Variants in PHKB observed in about 807,000 individuals in gnomAD.
PHKB encodes the protein phosphorylase kinase regulatory subunit beta.
PHKB carries 122 observed loss-of-function variants against 152.1 expected under a neutral mutation model. The ratio of observed to expected loss-of-function variants is 0.80; its 90% CI spans 0.69 to 0.93. The LOEUF is 0.93. Ranked by LOEUF, PHKB falls within the 40% of genes least tolerant of loss-of-function variation. The pLI, the probability that PHKB is intolerant of heterozygous loss-of-function variation, is 0.00. For synonymous variants in PHKB, 436 were observed against 464.9 expected (o/e 0.94, Z 0.80); for missense variants, 1,304 against 1,328.4 (o/e 0.98, Z 0.29).
chr16:47,674,438 G>A (rs1172976424), intron 26 of PHKB, among the ~76,000 whole-genome samples: 1 of 152,052 alleles, frequency 6.6e-6, no homozygotes, highest in Admixed American at 6.6e-5. Flanking sequence ...ATATTAAGAC[G>A]CTATGAAAAG....
At chr16:47,537,445 G>A (rs1032860663) in intron 6 of PHKB, among the ~76,000 whole-genome samples, 1 of 152,134 alleles carries the variant, frequency 6.6e-6, no homozygotes, top group African/African-American at 2.4e-5. Context: ...AGGGAAACTG[G>A]GCCCCTTCTG....
intron 25 of PHKB, among the ~76,000 whole-genome samples, chr16:47,666,187 A>G (rs549669180): frequency 6.6e-6 from 1 of 152,260 alleles, no homozygotes; most frequent in South Asian, 2.1e-4. Context: ...CTCCTTCCCC[A>G]AGCAAAATCT....
At chr16:47,513,265 G>A (rs1047976746) in intron 5 of PHKB, among the ~76,000 whole-genome samples, 2 of 152,082 alleles carry the variant, frequency 1.3e-5, no homozygotes, top group Non-Finnish European at 2.9e-5. Flanking sequence ...GCTCTTAGAG[G>A]TCCCTGTAAA....
intron 1 of PHKB, among the ~76,000 whole-genome samples, chr16:47,467,460 G>A (rs1424293953): frequency 6.6e-6 from 1 of 152,104 alleles, no homozygotes; most frequent in Non-Finnish European, 1.5e-5. Context: ...CTATTAGATT[G>A]CAGGTAGAGC....
At chr16:47,676,875 A>G (rs1450218575) in intron 26 of PHKB, among the ~76,000 whole-genome samples, 1 of 152,228 alleles carries the variant, frequency 6.6e-6, no homozygotes, top group Non-Finnish European at 1.5e-5. Flanking sequence ...CAGGTCTGTC[A>G]GTCAAGCTTT....
At chr16:47,534,139 T>C (rs1970911398) in intron 6 of PHKB, among the ~76,000 whole-genome samples, 1 of 152,230 alleles carries the variant, frequency 6.6e-6, no homozygotes, top group Non-Finnish European at 1.5e-5. Context: ...CCACAGAGCA[T>C]GCAGCCCGGG....
intron 16 of PHKB, among the ~76,000 whole-genome samples, chr16:47,647,314 G>T (rs142749894): frequency 6.6e-6 from 1 of 151,930 alleles, no homozygotes; most frequent in Non-Finnish European, 1.5e-5. Flanking sequence ...AGTAGAGACC[G>T]GGTTTCACCA....
chr16:47,500,676 A>G (rs146913267), intron 3 of PHKB, among the ~76,000 whole-genome samples: 18 of 152,258 alleles, frequency 1.2e-4, no homozygotes, highest in Admixed American at 4.6e-4. Context: ...AAGTTTGGTC[A>G]TAAGTGAAAT....
chr16:47,610,989 T>A, intron 14 of PHKB, 69 bp downstream of exon 14: 1 of 981,262 alleles, frequency 1.0e-6, no homozygotes, highest in Non-Finnish European at 1.6e-6. Context: ...AAGAGGAAAT[T>A]TTTGTTCTGA....
At chr16:47,676,725 C>T (rs1973739035) in intron 26 of PHKB, among the ~76,000 whole-genome samples, 1 of 152,198 alleles carries the variant, frequency 6.6e-6, no homozygotes, top group African/African-American at 2.4e-5. Context: ...TTAACCTGCT[C>T]ACAGGAATGG....
At chr16:47,547,953 A>G (rs1971202913) in intron 7 of PHKB, 2 of 249,716 alleles carry the variant, frequency 8.0e-6, no homozygotes, top group African/African-American at 2.3e-5. Flanking sequence ...CATGTTATAG[A>G]GCTGATTTTT....
chr16:47,688,698 T>C (rs1430872830), intron 26 of PHKB, among the ~76,000 whole-genome samples: 1 of 150,528 alleles, frequency 6.6e-6, no homozygotes, highest in Non-Finnish European at 1.5e-5. Context: ...TTTTTTTTTT[T>C]GGCATGTATC....
chr16:47,656,531 A>G (rs1973341550), intron 20 of PHKB, among the ~76,000 whole-genome samples: 1 of 152,236 alleles, frequency 6.6e-6, no homozygotes, highest in Non-Finnish European at 1.5e-5. Context: ...AAATTGTGGT[A>G]AAACATGCAT....
At chr16:47,536,085 C>T (rs1200887209) in intron 6 of PHKB, among the ~76,000 whole-genome samples, 1 of 152,136 alleles carries the variant, frequency 6.6e-6, no homozygotes, top group East Asian at 1.9e-4. Flanking sequence ...GAGTTTCACT[C>T]TTGTTGCCCA....
intron 7 of PHKB, chr16:47,566,846 TA>T: frequency 1.4e-6 from 1 of 716,592 alleles, no homozygotes; most frequent in South Asian, 1.4e-5. Context: ...GAGAGTCTGT[TA>T]GGGAGAGAGT....
intron 6 of PHKB, among the ~76,000 whole-genome samples, chr16:47,538,170 T>C (rs1970987280): frequency 1.3e-5 from 2 of 152,170 alleles, no homozygotes; most frequent in South Asian, 4.1e-4. Flanking sequence ...GCTAGGATTG[T>C]AGGCATGAGA....
intron 4 of PHKB, 45 bp from the exon 5 acceptor site, chr16:47,511,620 A>G (rs1970510769): frequency 7.7e-7 from 1 of 1,293,154 alleles, no homozygotes. Context: ...GTCTTGGATA[A>G]GTTTATGAAT....
intron 20 of PHKB, among the ~76,000 whole-genome samples, chr16:47,656,567 T>C (rs564730948): frequency 1.4e-4 from 22 of 152,326 alleles, no homozygotes; most frequent in Non-Finnish European, 2.5e-4. Context: ...ATGTTAATCA[T>C]TTTTAAGTGT....
chr16:47,688,833 C>T (rs1190900742), intron 26 of PHKB, among the ~76,000 whole-genome samples: 1 of 152,094 alleles, frequency 6.6e-6, no homozygotes, highest in East Asian at 1.9e-4. Context: ...ACCTCACCAC[C>T]TGTGCAAGGG....
Sources: allele counts gnomAD v4.1 joint callset (sites outside exome capture counted in the v4.1 genomes callset), GRCh38; gene constraint gnomAD v4.1.1; transcripts MANE v1.5; gene names NCBI Gene and HGNC (gene_info 2026-07-23, HGNC 2026-07-21).